Variants in MICU2 observed in about 807,000 individuals in gnomAD.
MICU2 encodes the protein calcium uptake protein 2, mitochondrial.
MICU2 carries 64 observed loss-of-function variants against 60.4 expected under a neutral mutation model. The ratio of observed to expected loss-of-function variants is 1.06; its 90% CI spans 0.87 to 1.31. The LOEUF is 1.31. Among genes scored for constraint, MICU2 ranks in the 50% most tolerant of loss-of-function variants. The pLI is 0.00. For missense variants in MICU2, 569 were observed against 531.0 expected (o/e 1.07, Z -0.70); for synonymous variants, 201 against 175.0 (o/e 1.15, Z -1.17).
intron 4 of MICU2, among the ~76,000 whole-genome samples, chr13:21,528,916 G>C (rs920897183): frequency 6.6e-6 from 1 of 152,200 alleles, no homozygotes; most frequent in East Asian, 1.9e-4. Flanking sequence ...AGAGAGTAGA[G>C]GGAGAGAGAG....
chr13:21,572,456 A>G (rs775218309), intron 1 of MICU2, among the ~76,000 whole-genome samples: 11 of 152,200 alleles, frequency 7.2e-5, no homozygotes, highest in African/African-American at 2.4e-5. Context: ...AGATAAGGTG[A>G]GTGGAGAGAA....
intron 7 of MICU2, among the ~76,000 whole-genome samples, chr13:21,513,739 C>CAA (rs376128312): frequency 0.042 from 2,481 of 59,000 alleles, 711 homozygotes; most frequent in African/African-American, 0.15. Flanking sequence ...GACTCTGTCT[C>CAA]AAAAAAAAAA....
At chr13:21,511,780 G>T (rs768672790) in intron 7 of MICU2, among the ~76,000 whole-genome samples, 2 of 151,282 alleles carry the variant, frequency 1.3e-5, no homozygotes, top group Non-Finnish European at 2.9e-5. Flanking sequence ...TATATAAATA[G>T]AATCATACAG....
intron 1 of MICU2, among the ~76,000 whole-genome samples, chr13:21,578,371 T>C (rs1265138230): frequency 1.3e-5 from 2 of 152,198 alleles, no homozygotes; most frequent in African/African-American, 2.4e-5. Flanking sequence ...AAGACTACTC[T>C]AGCCCAGGAG....
At chr13:21,527,382 C>T (rs1886884438) in intron 4 of MICU2, among the ~76,000 whole-genome samples, 1 of 152,186 alleles carries the variant, frequency 6.6e-6, no homozygotes, top group Non-Finnish European at 1.5e-5. Flanking sequence ...TCTTTAGACA[C>T]AGGTACAGGT....
chr13:21,575,824 A>G (rs1305535921), intron 1 of MICU2, among the ~76,000 whole-genome samples: 6 of 151,836 alleles, frequency 4.0e-5, no homozygotes, highest in South Asian at 2.1e-4. Context: ...TATTGCAACT[A>G]TAACTAAATA....
intron 2 of MICU2, among the ~76,000 whole-genome samples, chr13:21,553,465 T>C (rs562219710): frequency 6.6e-6 from 1 of 152,226 alleles, no homozygotes; most frequent in South Asian, 2.1e-4. Context: ...CTTGCAACAC[T>C]ATGTTGAATA....
At chr13:21,590,446 C>T (rs185557735) in intron 1 of MICU2, among the ~76,000 whole-genome samples, 5 of 152,234 alleles carry the variant, frequency 3.3e-5, no homozygotes, top group Admixed American at 6.5e-5. Flanking sequence ...AAAAGAAGCA[C>T]GATATCAAAT....
chr13:21,557,705 C>T (rs1887741494), intron 2 of MICU2, among the ~76,000 whole-genome samples: 1 of 152,074 alleles, frequency 6.6e-6, no homozygotes, highest in Non-Finnish European at 1.5e-5. Flanking sequence ...AGGAATGCAA[C>T]CAAGATTATT....
At chr13:21,504,961 T>C (rs1886259564) in intron 8 of MICU2, among the ~76,000 whole-genome samples, 1 of 152,174 alleles carries the variant, frequency 6.6e-6, no homozygotes, top group South Asian at 2.1e-4. Context: ...TAAAAACGCT[T>C]CATGAAACTC....
intron 1 of MICU2, among the ~76,000 whole-genome samples, chr13:21,579,820 G>GA (rs879266919): frequency 2.3e-4 from 35 of 150,874 alleles, no homozygotes; most frequent in African/African-American, 3.2e-4. Context: ...ATCATTAACT[G>GA]AAAAAAAAAT....
chr13:21,572,666 T>G (rs894639181), intron 1 of MICU2, among the ~76,000 whole-genome samples: 1 of 152,232 alleles, frequency 6.6e-6, no homozygotes, highest in African/African-American at 2.4e-5. Context: ...CCTTCCCACA[T>G]GCCTAAGGCT....
At chr13:21,549,181 G>A (rs893247463) in intron 2 of MICU2, among the ~76,000 whole-genome samples, 4 of 151,874 alleles carry the variant, frequency 2.6e-5, no homozygotes, top group Admixed American at 6.6e-5. Flanking sequence ...CGCCCGCCTT[G>A]GCCTCCCAAC....
chr13:21,585,844 CAAAAT>C (rs1888444671), intron 1 of MICU2, among the ~76,000 whole-genome samples: 1 of 151,672 alleles, frequency 6.6e-6, no homozygotes, highest in Admixed American at 6.6e-5. Context: ...ATTGTACTCA[CAAAAT>C]AAAAAATGAG....
In MICU2 at chr13:21,566,855, T is replaced by G. The variant is rs768156925; in HGVS notation, c.300A>C (p.Gly100=). The part of the protein sequence containing the change: ...FMQFSSLEHE[G]EYYMTPRDFL... ...AGTCTCGTGGTGTCATATAATATTC[T>G]CCTTCATGTTCGAGTGAAGAAAACT... The change falls in exon 2 of 12, where the codon GGA becomes GGC. Residue 100 remains glycine (G), a synonymous_variant. Transcript: ENST00000382374. 1 of 1,612,994 alleles carries G rather than the reference T, an allele frequency of 6.2e-7. No individual in the cohort carries two copies. Among genetic ancestry groups the G allele is most frequent in the Non-Finnish European group, 8.5e-7 (1 of 1,179,528 alleles).
rs1401263512 is a variant in MICU2 at position 21,521,259 on chromosome 13, T to C, written c.583A>G (p.Arg195Gly). 6 of 1,604,174 alleles carry C rather than the reference T, an allele frequency of 3.7e-6. No individual in the cohort carries two copies. Among genetic ancestry groups the C allele is most frequent in the Admixed American group, 3.5e-5 (2 of 57,694 alleles). The change falls in exon 6 of 12, where the codon AGG (arginine) becomes GGG (glycine). Residue 195 changes from arginine to glycine, a missense_variant. Coordinates refer to ENST00000382374, the MANE Select transcript of MICU2 (RefSeq NM_152726.3). ...DTDGNEMIEK[R>G]EFFKLQKIIS... ...CGTCCACTTACCTTAAAAAATTCCC[T>C]TTTTTCAATCATCTCATTACCATCT... is the stretch of plus-strand genomic sequence containing the variant.
chr13:21,496,375 C>A lies in MICU2; in HGVS notation c.934-215G>T. 3 of 462,184 alleles carry A rather than the reference C, an allele frequency of 6.5e-6. No homozygotes were observed. The South Asian group carries it at 8.9e-5, about 14-fold the overall frequency. The allele number at this position is 462,184 out of a possible 1,614,324, so 28.6% of individuals were successfully genotyped here. ...TGCTGTGTGCAGGCTGGGCAAGAGG[C>A]CTCACCAGAAACTGGCCCTGCTGGT... On this transcript the variant is annotated intron_variant, in intron 9 of 11. Transcript: ENST00000382374.
At position 21,558,116 on chromosome 13, in the gene MICU2, G is replaced by A. The variant is rs139451947; in HGVS notation, c.358+8681C>T. On this transcript the variant is annotated intron_variant, in intron 2 of 11. Transcript: ENST00000382374. ...ATTAACAATTCCCTGCTCCCCCAGG[G>A]TTGTTACTGCTATCTGCTTATTTGC... Among the ~76,000 whole-genome samples, 1,078 of 152,282 alleles carry A rather than the reference G, an allele frequency of 7.1e-3. 2 individuals carry two copies. Among genetic ancestry groups the A allele is most frequent in the South Asian group, 0.018 (87 of 4,826 alleles).
chr13:21,575,228 G>T (rs1312554432), intron 1 of MICU2, among the ~76,000 whole-genome samples: 1 of 151,940 alleles, frequency 6.6e-6, no homozygotes, highest in Non-Finnish European at 1.5e-5. Flanking sequence ...GAGAACAGTG[G>T]CCACTGTCAG....
Sources: allele counts gnomAD v4.1 joint callset (sites outside exome capture counted in the v4.1 genomes callset), GRCh38; gene constraint gnomAD v4.1.1; transcripts MANE v1.5; gene names NCBI Gene and HGNC (gene_info 2026-07-23, HGNC 2026-07-21).